The following DZIP1 variants were observed in gnomAD, a reference collection of about 807,000 sequenced individuals.
DZIP1 encodes the protein cilium assembly protein DZIP1.
A neutral mutation model predicts 107.6 loss-of-function variants in DZIP1; 97 were observed. The ratio of observed to expected loss-of-function variants is 0.90; its 90% CI spans 0.77 to 1.07. DZIP1 has a LOEUF of 1.07. Ranked by LOEUF, DZIP1 falls within the 50% of genes least tolerant of loss-of-function variation. The pLI, the probability that DZIP1 is intolerant of heterozygous loss-of-function variation, is 0.00. For missense variants in DZIP1, 1,035 were observed against 1,063.6 expected (o/e 0.97, Z 0.37); for synonymous variants, 390 against 386.4 (o/e 1.01, Z -0.11).
At chr13:95,588,507 A>G (rs2044224214) in intron 19 of DZIP1, among the ~76,000 whole-genome samples, 1 of 152,232 alleles carries the variant, frequency 6.6e-6, no homozygotes, top group Admixed American at 6.5e-5. Context: ...TTGAGTACCC[A>G]CAAGTGCCAA....
intron 20 of DZIP1, 101 bp from the exon 21 acceptor site, chr13:95,586,237 T>C: frequency 1.1e-6 from 1 of 940,142 alleles, no homozygotes; most frequent in Non-Finnish European, 1.5e-6. Flanking sequence ...AGTCTAAGCT[T>C]TGGAAGTAAT....
At chr13:95,617,928 G>A (rs191021893) in intron 10 of DZIP1, 13 of 517,526 alleles carry the variant, frequency 2.5e-5, no homozygotes, top group South Asian at 1.8e-4. Context: ...GAGAAAGGTG[G>A]AATCAAGATG....
chr13:95,614,080 C>T (rs1874732397), intron 10 of DZIP1, among the ~76,000 whole-genome samples: 1 of 139,972 alleles, frequency 7.1e-6, no homozygotes, highest in Non-Finnish European at 1.5e-5. Flanking sequence ...GAGCTATGCT[C>T]AAGCCACTGC....
Position 95,641,334 on chromosome 13 carries a change from G to C in DZIP1, c.558C>G (p.Thr186=). Residue 186 remains threonine, a synonymous_variant, in exon 5 of 23, where the codon ACC becomes ACG. Transcript: ENST00000376829. This position sits in a 1 kb window ranked among gnomAD's most constrained non-coding sequence, Gnocchi z 4.3. ...ECKRRKKMIS[T]QQLMIEAKAN... ...CTTTGGCCTCGATCATCAGCTGCTG[G>C]GTGGAGATCATCTTCTTCCGGCGTT... is the stretch of plus-strand genomic sequence containing the variant. 2 of 1,607,912 alleles carry C rather than the reference G, an allele frequency of 1.2e-6. No individual in the cohort carries two copies. Among genetic ancestry groups the C allele is most frequent in the African/African-American group, 1.3e-5 (1 of 74,932 alleles).
chr13:95,610,813 G>T (rs1188941294), intron 12 of DZIP1, among the ~76,000 whole-genome samples: 1 of 152,152 alleles, frequency 6.6e-6, no homozygotes, highest in African/African-American at 2.4e-5. Flanking sequence ...TATTGAGAGT[G>T]AGTTTCTGAT....
At position 95,591,334 on chromosome 13, in the gene DZIP1, A is replaced by G. The variant is rs1845405493; in HGVS notation, c.1681-893T>C. 1.3e-5 allele frequency among the ~76,000 whole-genome samples: 2 copies of G among 152,198 alleles called. 1 individual carries two copies. Among genetic ancestry groups the G allele is most frequent in the South Asian group, 4.1e-4 (2 of 4,830 alleles). On this transcript the variant is annotated intron_variant, in intron 16 of 22. Transcript: ENST00000376829. ...GAGCCACCGTGCCCAGCTAGAGGTG[A>G]CATTTAACTATGAAAATAGCATAAT...
chr13:95,627,466 T>C lies in DZIP1; in HGVS notation c.810+2523A>G, dbSNP rs1876680845. Among the ~76,000 whole-genome samples, 3 of 152,110 alleles carry C rather than the reference T, an allele frequency of 2.0e-5. No individual in the cohort carries two copies. The South Asian group carries it at 6.2e-4, about 32-fold the overall frequency. On this transcript the variant is annotated intron_variant, in intron 7 of 22. Transcript: ENST00000376829. ...AAAGGCAAACAACCCAATTAAAAAA[T>C]GGGCAAAGGATTTGAATAGACATTT...
intron 10 of DZIP1, 71 bp from the exon 11 acceptor site, chr13:95,612,248 G>T (rs1393638904): frequency 6.5e-7 from 1 of 1,533,768 alleles, no homozygotes; most frequent in Admixed American, 1.8e-5. Context: ...CAGATTTCAG[G>T]TATACATGCT....
chr13:95,621,517 A>G (rs144890960), intron 9 of DZIP1, among the ~76,000 whole-genome samples: 5 of 152,300 alleles, frequency 3.3e-5, no homozygotes, highest in Admixed American at 2.0e-4. Context: ...AGAATGACCC[A>G]GGCTTTTAAA....
chr13:95,634,877 A>G (rs1226427198), intron 5 of DZIP1, among the ~76,000 whole-genome samples: 2 of 152,210 alleles, frequency 1.3e-5, no homozygotes, highest in East Asian at 3.8e-4. Flanking sequence ...CTTAGAAAAA[A>G]CATTCGGTTT....
chr13:95,623,345 A>C (rs1876138235), intron 8 of DZIP1, among the ~76,000 whole-genome samples: 1 of 152,210 alleles, frequency 6.6e-6, no homozygotes, highest in African/African-American at 2.4e-5. Context: ...ACTTCATTTC[A>C]GAAAGGACAG....
chr13:95,608,080 C>G (rs1401075671), intron 13 of DZIP1, among the ~76,000 whole-genome samples: 2 of 152,066 alleles, frequency 1.3e-5, no homozygotes, highest in African/African-American at 4.8e-5. Flanking sequence ...CTTTTAGATC[C>G]TTTTGTATGC....
intron 12 of DZIP1, among the ~76,000 whole-genome samples, chr13:95,610,241 C>A (rs1031400846): frequency 6.6e-6 from 1 of 151,954 alleles, no homozygotes; most frequent in South Asian, 2.1e-4. Flanking sequence ...AAACCTGTAA[C>A]CCCCAAACAG....
Position 95,590,342 on chromosome 13 carries a change from T to C in DZIP1, c.1780A>G (p.Ile594Val), listed in dbSNP as rs779897290. Residue 594 changes from isoleucine to valine, a missense_variant, in exon 17 of 23, where the codon ATT becomes GTT. By Grantham distance (29) the Ile-to-Val change is conservative (BLOSUM62 3). Transcript: ENST00000376829. ...QEREIPNFHQ[I>V]REFLEHQVSC... ...ACTTGATGTTCAAGGAATTCTCGAATTTGATGAAAGTTAGGTATTTCTCTT... is the reference window on the plus strand; with the variant it reads ...ACTTGATGTTCAAGGAATTCTCGAACTTGATGAAAGTTAGGTATTTCTCTT... 11 of 1,614,054 alleles carry C rather than the reference T, an allele frequency of 6.8e-6. No individual in the cohort carries two copies. The African/African-American group carries it at 1.3e-4, about 20-fold the overall frequency.
intron 11 of DZIP1, 86 bp downstream of exon 11, chr13:95,611,951 T>G: frequency 6.6e-7 from 1 of 1,520,378 alleles, no homozygotes; most frequent in Non-Finnish European, 8.8e-7. Context: ...TTATACCACT[T>G]ACAAATGCTC....
chr13:95,633,415 G>T, intron 5 of DZIP1, 94 bp from the exon 6 acceptor site: 1 of 1,058,256 alleles, frequency 9.4e-7, no homozygotes, highest in Non-Finnish European at 1.4e-6. Flanking sequence ...AGGCACTGTG[G>T]CTCACGCCTG....
At position 95,641,870 on chromosome 13, in the gene DZIP1, AAGAG is replaced by A; in HGVS notation, c.37-19_37-16del. 1 of 1,409,344 alleles carries A rather than the reference AAGAG, an allele frequency of 7.1e-7. No individual in the cohort carries two copies. The allele number at this position is 1,409,344 out of a possible 1,614,324, so 87.3% of individuals were successfully genotyped here. A position where few individuals can be genotyped will look rare whatever the true frequency, so the allele number is the denominator to read the frequency against. The stretch of plus-strand genomic sequence containing the variant: ...TTCTGGAAGGGCTGCGGGGGGCACA[AAGAG>A]AGCGCGGCGGGAGGCGGGGATGGGG... On this transcript the variant is annotated splice_polypyrimidine_tract_variant and intron_variant, in intron 4 of 22. Coordinates refer to ENST00000376829, the MANE Select transcript of DZIP1 (RefSeq NM_198968.4). The surrounding 1 kb of genome is among the most constrained non-coding windows in gnomAD (Gnocchi z 4.3).
At chr13:95,617,965 T>C (rs1167645324) in intron 10 of DZIP1, 1 of 518,886 alleles carries the variant, frequency 1.9e-6, no homozygotes, top group Non-Finnish European at 3.8e-6. Context: ...AGGGTGCCAT[T>C]TGCCAAGTCT....
chr13:95,587,657 T>C lies in DZIP1; in HGVS notation c.2100A>G (p.Pro700=). 6.2e-7 allele frequency: 1 copy of C among 1,614,144 alleles called. No homozygotes were observed. Among genetic ancestry groups the C allele is most frequent in the Non-Finnish European group, 8.5e-7 (1 of 1,180,018 alleles). ...TGTTTTGTGGTGGCGGCACAGGAAG[T>C]GGGCCTGGGGATGCGTATGCCCGGA... ...DLIRAYASPG[P]LPVPPPQNKG... Residue 700 remains proline, a synonymous_variant, in exon 20 of 23, where the codon CCA becomes CCG. Transcript: ENST00000376829.
Sources: gnomAD v4.1 joint callset for allele counts (sites outside exome capture counted in the v4.1 genomes callset) on GRCh38, gnomAD v4.1.1 for gene constraint, Gnocchi (gnomAD v3.1) non-coding constraint, MANE v1.5 for transcripts, NCBI Gene and HGNC (gene_info 2026-07-23, HGNC 2026-07-21) for gene names.